The following CDADC1 variants were observed in gnomAD, a reference collection of about 807,000 sequenced individuals.
CDADC1 encodes dCTP deaminase.
In CDADC1, 39 loss-of-function variants were observed where a neutral mutation model predicts 54.9. The ratio of observed to expected loss-of-function variants is 0.71; its 90% CI spans 0.55 to 0.93. CDADC1 has a LOEUF of 0.93. Among genes scored for constraint, CDADC1 ranks in the 40% least tolerant of loss-of-function variants. The pLI is 0.00. For synonymous variants in CDADC1, 186 were observed against 204.0 expected (o/e 0.91, Z 0.75); for missense variants, 518 against 618.8 (o/e 0.84, Z 1.73).
intron 2 of CDADC1, 119 bp from the exon 3 acceptor site, chr13:49,255,720 T>C: frequency 8.1e-7 from 1 of 1,232,602 alleles, no homozygotes; most frequent in Non-Finnish European, 1.1e-6. Flanking sequence ...ATGTAGAGTT[T>C]CATCATGGAA....
In CDADC1 at chr13:49,290,968, C is replaced by T. The variant is rs559118293; in HGVS notation, c.1472-716C>T. Among the ~76,000 whole-genome samples the T allele has an allele frequency of 4.7e-4, 72 of 152,248 alleles. 2 individuals are homozygous for T. The South Asian group carries it at 9.1e-3, about 19-fold the overall frequency. On this transcript the variant is annotated intron_variant, in intron 9 of 9. Coordinates refer to ENST00000251108, the MANE Select transcript of CDADC1 (RefSeq NM_030911.4). ...GCCAGGAAGAGGTTGAAGCCATACT[C>T]TTTTCCCAGCCTGCCCAGTCAGATA...
Position 49,267,961 on chromosome 13 carries a change from G to A in CDADC1, c.902G>A (p.Ser301Asn), listed in dbSNP as rs145663209. ...TTTAAACACTTCGGATTTTACCGTA[G>A]CAATCCAGAACAGATTAATGAAATT... ...PNFKHFGFYR[S>N]NPEQINEIHN... is the part of the protein sequence containing the mutation. Residue 301 changes from serine to asparagine, a missense_variant, in exon 5 of 10, where the codon AGC becomes AAC. Transcript: ENST00000251108. 8.1e-5 allele frequency: 130 copies of A among 1,613,982 alleles called. No individual in the cohort carries two copies. Among genetic ancestry groups the A allele is most frequent in the Admixed American group, 1.7e-5 (1 of 59,990 alleles).
chr13:49,278,249 G>T (rs1953203065), intron 6 of CDADC1, 101 bp from the exon 7 acceptor site: 2 of 796,110 alleles, frequency 2.5e-6, no homozygotes, highest in African/African-American at 1.7e-5. Context: ...AAAATTGAAT[G>T]AATATTCATT....
intron 3 of CDADC1, among the ~76,000 whole-genome samples, chr13:49,259,100 A>G (rs966562111): frequency 6.6e-6 from 1 of 152,234 alleles, no homozygotes; most frequent in Non-Finnish European, 1.5e-5. Context: ...TCACTAGAAC[A>G]AATTAATGAT....
chr13:49,259,639 C>A, intron 4 of CDADC1, 116 bp downstream of exon 4: 1 of 931,892 alleles, frequency 1.1e-6, no homozygotes. Flanking sequence ...TCGCCTGAGC[C>A]CAGGAGTTCA....
At chr13:49,264,016 C>T (rs937228870) in intron 4 of CDADC1, among the ~76,000 whole-genome samples, 1 of 152,172 alleles carries the variant, frequency 6.6e-6, no homozygotes, top group Non-Finnish European at 1.5e-5. Flanking sequence ...CTTATAAGGT[C>T]AACCACCTGG....
intron 3 of CDADC1, among the ~76,000 whole-genome samples, chr13:49,258,711 T>A (rs1264937658): frequency 6.6e-6 from 1 of 152,226 alleles, no homozygotes; most frequent in Non-Finnish European, 1.5e-5. Flanking sequence ...TATGTCTTCC[T>A]TCTTTTTGTT....
chr13:49,286,422 T>C, intron 9 of CDADC1, 140 bp downstream of exon 9: 1 of 644,322 alleles, frequency 1.6e-6, no homozygotes, highest in South Asian at 2.0e-5. Context: ...ATTCAATTTG[T>C]TCATAAATAT....
At chr13:49,288,319 A>G (rs1384068786) in intron 9 of CDADC1, among the ~76,000 whole-genome samples, 1 of 152,174 alleles carries the variant, frequency 6.6e-6, no homozygotes, top group African/African-American at 2.4e-5. Flanking sequence ...TAATTATATG[A>G]TAGTTTTACT....
intron 9 of CDADC1, among the ~76,000 whole-genome samples, chr13:49,289,778 C>G (rs939767754): frequency 4.6e-5 from 7 of 152,314 alleles, no homozygotes; most frequent in Admixed American, 3.9e-4. Flanking sequence ...AGGCATGGTG[C>G]TCACACCTAT....
At chr13:49,251,702 A>C (rs1952437636) in intron 2 of CDADC1, among the ~76,000 whole-genome samples, 1 of 152,246 alleles carries the variant, frequency 6.6e-6, no homozygotes, top group Non-Finnish European at 1.5e-5. Flanking sequence ...TATATAGAGA[A>C]AGCTGTGGAT....
intron 4 of CDADC1, 114 bp downstream of exon 4, chr13:49,259,637 GC>G (rs1457555416): frequency 3.0e-6 from 3 of 998,902 alleles, no homozygotes; most frequent in Non-Finnish European, 4.5e-6. Flanking sequence ...GATCGCCTGA[GC>G]CCAGGAGTTC....
At chr13:49,261,451 G>A (rs533670247) in intron 4 of CDADC1, among the ~76,000 whole-genome samples, 24 of 152,276 alleles carry the variant, frequency 1.6e-4, no homozygotes, top group Non-Finnish European at 3.2e-4. Context: ...CATCACTCAT[G>A]TTCAACTGAC....
chr13:49,275,294 C>T (rs886092812), intron 6 of CDADC1, among the ~76,000 whole-genome samples: 3 of 151,880 alleles, frequency 2.0e-5, no homozygotes, highest in African/African-American at 7.3e-5. Flanking sequence ...CCATGTTGAC[C>T]AGGCTGGTCT....
Position 49,292,103 on chromosome 13 carries a change from G to A in CDADC1, c.*346G>A. ...TTCACAAGAGGTCATGCCTCTGCAG[G>A]GAATCACACACCTTTTGAGAAATAT... is the stretch of plus-strand genomic sequence containing the variant. On this transcript the variant is annotated 3_prime_UTR_variant, in exon 10 of 10. Transcript: ENST00000251108. The A allele has an allele frequency of 9.6e-7, 1 of 1,041,240 alleles. No individual in the cohort carries two copies. Among genetic ancestry groups the A allele is most frequent in the Non-Finnish European group, 1.2e-6 (1 of 863,650 alleles). 64.5% of individuals were successfully genotyped at this position (1,041,240 alleles called of 1,614,324 possible). A position where few individuals can be genotyped will look rare whatever the true frequency, so the allele number is the denominator to read the frequency against.
At chr13:49,255,661 T>G (rs1462645304) in intron 2 of CDADC1, among the ~76,000 whole-genome samples, 178 bp from the exon 3 acceptor site, 1 of 152,188 alleles carries the variant, frequency 6.6e-6, no homozygotes, top group Non-Finnish European at 1.5e-5. Context: ...TAAAGGTTTA[T>G]TTACTAGGTA....
At chr13:49,290,555 A>G (rs1255424871) in intron 9 of CDADC1, among the ~76,000 whole-genome samples, 5 of 152,198 alleles carry the variant, frequency 3.3e-5, no homozygotes, top group African/African-American at 1.2e-4. Flanking sequence ...ACAGCAGGGC[A>G]GAACATACAG....
At chr13:49,284,984 T>C (rs1953464064) in intron 8 of CDADC1, among the ~76,000 whole-genome samples, 1 of 152,188 alleles carries the variant, frequency 6.6e-6, no homozygotes, top group South Asian at 2.1e-4. Context: ...CCTGCCCCAA[T>C]ATTCTATGTA....
At chr13:49,279,300 G>A (rs1407236347) in intron 7 of CDADC1, among the ~76,000 whole-genome samples, 1 of 152,150 alleles carries the variant, frequency 6.6e-6, no homozygotes, top group Admixed American at 6.5e-5. Flanking sequence ...CGGACATTCT[G>A]GAGCTGCTAT....
Sources: allele counts gnomAD v4.1 joint callset (sites outside exome capture counted in the v4.1 genomes callset), GRCh38; gene constraint gnomAD v4.1.1; transcripts MANE v1.5; gene names NCBI Gene and HGNC (gene_info 2026-07-23, HGNC 2026-07-21).